The following TRIM21 variants were observed in gnomAD, a reference collection of about 807,000 sequenced individuals.
TRIM21 encodes the protein tripartite motif containing 21.
TRIM21 carries 35 observed loss-of-function variants against 36.1 expected under a neutral mutation model. The ratio of observed to expected loss-of-function variants is 0.97; its 90% CI spans 0.74 to 1.28. TRIM21 has a LOEUF of 1.28. Among genes scored for constraint, TRIM21 ranks in the 50% most tolerant of loss-of-function variants. The pLI is 0.00. For synonymous variants in TRIM21, 256 were observed against 211.5 expected (o/e 1.21, Z -1.83); for missense variants, 635 against 570.7 (o/e 1.11, Z -1.15).
intron 6 of TRIM21, 90 bp downstream of exon 6, chr11:4,386,067 C>T (rs2094955988): frequency 7.7e-7 from 1 of 1,297,778 alleles, no homozygotes; most frequent in Non-Finnish European, 1.1e-6. Flanking sequence ...TCTGACCTGC[C>T]ATCTCTCCTC....
At position 4,385,531 on chromosome 11, in the gene TRIM21, G is replaced by T; in HGVS notation, c.1182C>A (p.Pro394=). The T allele has an allele frequency of 6.2e-7, 1 of 1,612,026 alleles. No homozygotes were observed. Among genetic ancestry groups the T allele is most frequent in the Non-Finnish European group, 8.5e-7 (1 of 1,179,068 alleles). Residue 394 remains proline, a synonymous_variant, in exon 7 of 7, where the codon CCC becomes CCA. Coordinates refer to ENST00000254436, the MANE Select transcript of TRIM21 (RefSeq NM_003141.4). ...NKQKYEAGTY[P]QTPLHLQVPP... is the part of the protein sequence containing the mutation. ...GCACCTGAAGGTGGAGGGGAGTCTGGGGGTAGGTGCCAGCCTCATATTTTT... is the reference window on the plus strand; with the variant it reads ...GCACCTGAAGGTGGAGGGGAGTCTGTGGGTAGGTGCCAGCCTCATATTTTT...
intron 1 of TRIM21, among the ~76,000 whole-genome samples, chr11:4,390,927 AAATG>A (rs1376714376): frequency 6.6e-6 from 1 of 152,358 alleles, no homozygotes; most frequent in Admixed American, 6.5e-5. Flanking sequence ...AATCAAATCA[AAATG>A]GATTAAAGAC....
intron 4 of TRIM21, 53 bp downstream of exon 4, chr11:4,388,247 G>A: frequency 6.7e-7 from 1 of 1,485,776 alleles, no homozygotes; most frequent in Admixed American, 2.0e-5. Flanking sequence ...AGATAGCTCT[G>A]GTCTTTTTCA....
Position 4,388,802 on chromosome 11 carries a change from G to GC in TRIM21, c.505-273dup, listed in dbSNP as rs1229377012. 2.0e-5 allele frequency among the ~76,000 whole-genome samples: 3 copies of GC among 152,036 alleles called. No individual in the cohort carries two copies. In the East Asian group the frequency reaches 5.8e-4, roughly 29 times the overall value. On this transcript the variant is annotated intron_variant, in intron 3 of 6. Transcript: ENST00000254436. ...ACAACGACAGCTACACGAATATATGGCATTGGGGACTTTTTCCAACCTCTC... is the reference window on the plus strand; with the variant it reads ...ACAACGACAGCTACACGAATATATGGCCATTGGGGACTTTTTCCAACCTCTC...
At position 4,385,080 on chromosome 11, in the gene TRIM21, G is replaced by C. The variant is rs1194656290; in HGVS notation, c.*205C>G. 1.8e-6 allele frequency: 1 copy of C among 549,672 alleles called. No individual in the cohort carries two copies. Among genetic ancestry groups the C allele is most frequent in the East Asian group, 2.9e-5 (1 of 34,086 alleles). The allele number at this position is 549,672 out of a possible 1,614,324, so 34.0% of individuals were successfully genotyped here. On this transcript the variant is annotated 3_prime_UTR_variant, in exon 7 of 7. Coordinates refer to ENST00000254436, the MANE Select transcript of TRIM21 (RefSeq NM_003141.4). ...CAAGATGAGTTTGGGCCAAATATAAGGAGGCTGCTTCACTGGAGGGAATCA... is the reference window on the plus strand; with the variant it reads ...CAAGATGAGTTTGGGCCAAATATAACGAGGCTGCTTCACTGGAGGGAATCA...
rs2094958824 is a variant in TRIM21 at position 4,388,349 on chromosome 11, A to G, written c.686T>C (p.Ile229Thr). Reference sequence around the variant, plus strand: ...GTGGCACCTTCGATCTAGCTCTGAGATGAGCTCCTGTAGGGCCTGGCTCTG... The same window carrying G: ...GTGGCACCTTCGATCTAGCTCTGAGGTGAGCTCCTGTAGGGCCTGGCTCTG... The part of the protein sequence containing the change: ...AQQSQALQEL[I>T]SELDRRCHSS... The change falls in exon 4 of 7, where the codon ATC becomes ACC. Residue 229 changes from isoleucine (I) to threonine (T), a missense_variant. Transcript: ENST00000254436. 6.2e-7 allele frequency: 1 copy of G among 1,613,838 alleles called. No homozygotes were observed. Among genetic ancestry groups the G allele is most frequent in the African/African-American group, 1.3e-5 (1 of 74,900 alleles).
chr11:4,385,255 G>C lies in TRIM21; in HGVS notation c.*30C>G. 1 of 1,576,656 alleles carries C rather than the reference G, an allele frequency of 6.3e-7. No individual in the cohort carries two copies. The highest frequency in any genetic ancestry group is 8.6e-7 in the Non-Finnish European group (1 of 1,158,428). ...TTTGTGGCTGAGAAGCGGTGCCAAT[G>C]GGGAGAGTGGCAGTGTCCAGAGAAA... On this transcript the variant is annotated 3_prime_UTR_variant, in exon 7 of 7. Transcript: ENST00000254436.
chr11:4,390,419 T>C lies in TRIM21; in HGVS notation c.-10A>G, dbSNP rs774073424. On this transcript the variant is annotated 5_prime_UTR_variant, in exon 2 of 7. Transcript: ENST00000254436. ...GTGCTGCTGAAGCCATTGTCAAGTG[T>C]GCCGTTAAACAGCAGTGTGGAGACC... The C allele has an allele frequency of 2.9e-5, 46 of 1,598,040 alleles. No homozygotes were observed. The highest frequency in any genetic ancestry group is 3.8e-5 in the Non-Finnish European group (44 of 1,168,410).
chr11:4,388,692 C>G (rs1280971927), intron 3 of TRIM21, among the ~76,000 whole-genome samples, 162 bp from the exon 4 acceptor site: 1 of 152,140 alleles, frequency 6.6e-6, no homozygotes, highest in African/African-American at 2.4e-5. Flanking sequence ...CACACACACA[C>G]ACAATTTTGC....
intron 1 of TRIM21, among the ~76,000 whole-genome samples, chr11:4,391,862 GAAGCTA>G (rs1418934360): frequency 6.6e-6 from 1 of 152,156 alleles, no homozygotes; most frequent in East Asian, 1.9e-4. Context: ...CTCATTTGTA[GAAGCTA>G]AAAATTAAAA....
rs771338260 is a variant in TRIM21, at chr11:4,385,268, G to A, written c.*17C>T. The A allele has an allele frequency of 8.8e-6, 14 of 1,596,634 alleles. No individual in the cohort carries two copies. The highest frequency in any genetic ancestry group is 2.2e-4 in the Middle Eastern group (1 of 4,506). On this transcript the variant is annotated 3_prime_UTR_variant, in exon 7 of 7. Coordinates refer to ENST00000254436, the MANE Select transcript of TRIM21 (RefSeq NM_003141.4). ...AGCGGTGCCAATGGGGAGAGTGGCA[G>A]TGTCCAGAGAAAGCCATCAATAGTC...
In TRIM21 at chr11:4,392,942, G is replaced by A. The variant is rs893598273; in HGVS notation, c.-50+691C>T. 2.0e-5 allele frequency among the ~76,000 whole-genome samples: 3 copies of A among 152,126 alleles called. No individual in the cohort carries two copies. The South Asian group carries it at 6.2e-4, about 32-fold the overall frequency. Reference sequence around the variant, plus strand: ...ATGTGCCAGAGATACTTCATGCTTTGAATATATCTTCATTAATCCCTCCTA... The same window carrying A: ...ATGTGCCAGAGATACTTCATGCTTTAAATATATCTTCATTAATCCCTCCTA... On this transcript the variant is annotated intron_variant, in intron 1 of 6. Transcript: ENST00000254436.
chr11:4,385,876 A>T (rs1221747275), intron 6 of TRIM21, 23 bp from the exon 7 acceptor site: 7 of 1,580,224 alleles, frequency 4.4e-6, no homozygotes, highest in Middle Eastern at 1.7e-4. Flanking sequence ...GACCACAGTC[A>T]GGCCTTGCAT....
chr11:4,386,336 C>T, intron 5 of TRIM21, 79 bp from the exon 6 acceptor site: 1 of 1,169,330 alleles, frequency 8.6e-7, no homozygotes, highest in Non-Finnish European at 1.3e-6. Context: ...TTGTGGAGGA[C>T]TCCGATAATT....
rs1443179649 is a variant in TRIM21, at chr11:4,386,229, C to A, written c.787G>T (p.Asp263Tyr). The A allele has an allele frequency of 6.2e-7, 1 of 1,613,920 alleles. No homozygotes were observed. Among genetic ancestry groups the A allele is most frequent in the Non-Finnish European group, 8.5e-7 (1 of 1,179,858 alleles). ...RSESWNLKDL[D>Y]ITSPELRSVC... Reference sequence around the variant, plus strand: ...CTCCTGAGTTCTGGAGAGGTAATATCCAGGTCCTTCAGGTTCCAGGACTCA... The same window carrying A: ...CTCCTGAGTTCTGGAGAGGTAATATACAGGTCCTTCAGGTTCCAGGACTCA... Residue 263 changes from aspartate to tyrosine, a missense_variant, in exon 6 of 7, where the codon GAT becomes TAT. By Grantham distance (160) the Asp-to-Tyr change is radical (BLOSUM62 -3). Transcript: ENST00000254436.
At chr11:4,391,855 A>C (rs903520085) in intron 1 of TRIM21, among the ~76,000 whole-genome samples, 1 of 152,208 alleles carries the variant, frequency 6.6e-6, no homozygotes, top group Admixed American at 6.5e-5. Flanking sequence ...GGTCTCACTC[A>C]TTTGTAGAAG....
chr11:4,388,634 G>C, intron 3 of TRIM21, 104 bp from the exon 4 acceptor site: 1 of 1,105,108 alleles, frequency 9.0e-7, no homozygotes, highest in Non-Finnish European at 1.3e-6. Flanking sequence ...ACTCCACTCT[G>C]TGCTGTCTGG....
intron 4 of TRIM21, among the ~76,000 whole-genome samples, chr11:4,388,080 T>G (rs2094958420): frequency 1.3e-5 from 2 of 152,242 alleles, no homozygotes; most frequent in African/African-American, 4.8e-5. Context: ...GGATGCAAGA[T>G]GATTCTAAGT....
chr11:4,386,136 C>G (rs770220583), intron 6 of TRIM21, 21 bp downstream of exon 6: 1 of 1,611,500 alleles, frequency 6.2e-7, no homozygotes, highest in South Asian at 1.1e-5. Flanking sequence ...TTATCCCCCG[C>G]AAAACTAGAA....
Sources: allele counts gnomAD v4.1 joint callset (sites outside exome capture counted in the v4.1 genomes callset), GRCh38; gene constraint gnomAD v4.1.1; transcripts MANE v1.5; gene names NCBI Gene and HGNC (gene_info 2026-07-23, HGNC 2026-07-21).